Variants in MCTP1 observed in about 807,000 individuals in gnomAD.
The protein encoded by MCTP1 is multiple C2 and transmembrane domain-containing protein 1.
Under a neutral mutation model 120.6 loss-of-function variants are expected in MCTP1, and 69 were observed. The observed-to-expected ratio is 0.57, with a 90% CI of 0.47 to 0.70. The LOEUF (loss-of-function observed/expected upper bound fraction) is 0.70, where lower values mean the gene tolerates loss of function less well. MCTP1 is among the 30% of genes least tolerant of loss of function. MCTP1 has a pLI of 0.00. For synonymous variants in MCTP1, 529 were observed against 493.1 expected, an observed-to-expected ratio of 1.07 and a Z score of -0.96; for missense variants, 1,203 against 1,248.8, an observed-to-expected ratio of 0.96 and a Z score of 0.55.
At chr5:94,850,192 A>G (rs1793370297) in intron 17 of MCTP1, among the ~76,000 whole-genome samples, 1 of 152,202 alleles carries the variant, frequency 6.6e-6, no homozygotes, top group African/African-American at 2.4e-5. Flanking sequence ...ATGATTTTCA[A>G]GATTCCAGGG....
intron 1 of MCTP1, 117 bp from the exon 2 acceptor site, chr5:95,017,601 T>C (rs887319281): frequency 8.5e-6 from 4 of 473,004 alleles, no homozygotes; most frequent in Non-Finnish European, 1.4e-5. Context: ...AAATAAATAA[T>C]CTTCTGATTT....
intron 1 of MCTP1, among the ~76,000 whole-genome samples, chr5:95,076,328 T>C (rs959336899): frequency 6.6e-6 from 1 of 152,146 alleles, no homozygotes; most frequent in Non-Finnish European, 1.5e-5. Context: ...TTTGTTTACA[T>C]TAAGCATAGC....
At chr5:94,832,754 A>G (rs140094548) in intron 17 of MCTP1, among the ~76,000 whole-genome samples, 13 of 152,248 alleles carry the variant, frequency 8.5e-5, no homozygotes, top group African/African-American at 2.9e-4. Flanking sequence ...GTCTGAATTT[A>G]TTGTGGGCCC....
intron 20 of MCTP1, among the ~76,000 whole-genome samples, chr5:94,713,730 C>G (rs139298946): frequency 6.6e-6 from 1 of 152,252 alleles, no homozygotes; most frequent in East Asian, 1.9e-4. Context: ...GGGGGCTGTT[C>G]TGTCTAATGT....
intron 19 of MCTP1, among the ~76,000 whole-genome samples, chr5:94,734,057 C>G (rs1214526411): frequency 6.6e-6 from 1 of 152,052 alleles, no homozygotes; most frequent in Non-Finnish European, 1.5e-5. Flanking sequence ...GTTCTGTGAT[C>G]TCTCAAACGT....
intron 19 of MCTP1, among the ~76,000 whole-genome samples, chr5:94,741,017 G>A (rs1765398641): frequency 6.6e-6 from 1 of 152,214 alleles, no homozygotes. Context: ...AATGAAGTTA[G>A]AGGAAGCTGG....
intron 19 of MCTP1, among the ~76,000 whole-genome samples, chr5:94,767,418 A>C (rs997148965): frequency 5.3e-5 from 8 of 152,210 alleles, no homozygotes; most frequent in African/African-American, 1.9e-4. Flanking sequence ...TAGCTAGAGC[A>C]ATCAGGCAAG....
chr5:95,143,499 T>C (rs1413755027), intron 1 of MCTP1, among the ~76,000 whole-genome samples: 1 of 152,100 alleles, frequency 6.6e-6, no homozygotes, highest in African/African-American at 2.4e-5. Flanking sequence ...TGGTTTGGGG[T>C]ACAGATGGTA....
chr5:95,185,595 C>T (rs1351254980), intron 1 of MCTP1, among the ~76,000 whole-genome samples: 1 of 152,150 alleles, frequency 6.6e-6, no homozygotes, highest in African/African-American at 2.4e-5. Context: ...CCAGCCTGAC[C>T]AACATGGTGA....
chr5:94,831,891 C>G (rs1433967024), intron 17 of MCTP1, among the ~76,000 whole-genome samples: 1 of 151,744 alleles, frequency 6.6e-6, no homozygotes, highest in Non-Finnish European at 1.5e-5. Context: ...ATATTTAGTT[C>G]TTGCAATAAC....
chr5:94,912,559 A>G (rs1467400516), intron 9 of MCTP1, among the ~76,000 whole-genome samples: 2 of 150,524 alleles, frequency 1.3e-5, no homozygotes, highest in Non-Finnish European at 2.9e-5. Context: ...GCCAAGGGAT[A>G]GTTCCAACTA....
intron 20 of MCTP1, among the ~76,000 whole-genome samples, chr5:94,711,869 A>AATC (rs1438275656): frequency 1.3e-5 from 2 of 152,178 alleles, no homozygotes; most frequent in African/African-American, 4.8e-5. Context: ...GGAAGATTAT[A>AATC]ATCACTTAAG....
chr5:95,009,407 G>T (rs1410702385), intron 2 of MCTP1, among the ~76,000 whole-genome samples: 2 of 151,958 alleles, frequency 1.3e-5, no homozygotes, highest in African/African-American at 4.8e-5. Flanking sequence ...AAAAGGTATA[G>T]TTCCTAAAAA....
intron 17 of MCTP1, chr5:94,826,712 G>T: frequency 2.5e-6 from 1 of 406,406 alleles, no homozygotes; most frequent in African/African-American, 2.3e-5. Flanking sequence ...GCTGGAAAAA[G>T]AGGAAGTTGA....
At chr5:95,005,005 G>A (rs192336033) in intron 2 of MCTP1, among the ~76,000 whole-genome samples, 8 of 152,290 alleles carry the variant, frequency 5.3e-5, no homozygotes, top group East Asian at 1.9e-4. Flanking sequence ...AAACCACTGC[G>A]GGGTCTGTAC....
At chr5:94,737,086 T>TGAAGC (rs1457965861) in intron 19 of MCTP1, among the ~76,000 whole-genome samples, 1 of 152,204 alleles carries the variant, frequency 6.6e-6, no homozygotes, top group Non-Finnish European at 1.5e-5. Flanking sequence ...CCTCCTGGGC[T>TGAAGC]GAAGCGAACC....
At chr5:95,182,370 G>C (rs560023423) in intron 1 of MCTP1, among the ~76,000 whole-genome samples, 9 of 152,166 alleles carry the variant, frequency 5.9e-5, no homozygotes, top group Non-Finnish European at 1.3e-4. Context: ...CTGTATGGTA[G>C]GTTATACAAG....
chr5:95,005,283 C>T (rs552404046), intron 2 of MCTP1, among the ~76,000 whole-genome samples: 1 of 152,242 alleles, frequency 6.6e-6, no homozygotes, highest in East Asian at 1.9e-4. Flanking sequence ...TTTACAGGCT[C>T]ATAGGCAGAA....
chr5:95,272,629 A>G (rs770690774), intron 1 of MCTP1, among the ~76,000 whole-genome samples: 1 of 152,264 alleles, frequency 6.6e-6, no homozygotes, highest in Non-Finnish European at 1.5e-5. Context: ...AATACACTCT[A>G]AAATGCTCTA....
Sources: allele counts gnomAD v4.1 joint callset (sites outside exome capture counted in the v4.1 genomes callset), GRCh38; gene constraint gnomAD v4.1.1; transcripts MANE v1.5; gene names NCBI Gene and HGNC (gene_info 2026-07-23, HGNC 2026-07-21).